The following SFXN5 variants were observed in gnomAD, a reference collection of about 807,000 sequenced individuals.
The protein encoded by SFXN5 is sideroflexin 5, also known as sideroflexin-5.
SFXN5 carries 43 observed loss-of-function variants against 50.2 expected under a neutral mutation model. The observed-to-expected ratio is 0.86, with a 90% confidence interval of 0.67 to 1.11. SFXN5 has a LOEUF of 1.11. SFXN5 is among the 50% of genes least tolerant of loss of function. The pLI, the probability that SFXN5 is intolerant of heterozygous loss-of-function variation, is 0.00. For missense variants in SFXN5, 463 were observed against 454.1 expected (o/e 1.02, Z -0.18); for synonymous variants, 203 against 185.8 (o/e 1.09, Z -0.75).
rs781489618 is a variant in SFXN5, at chr2:72,961,224, G to A, written c.852C>T (p.Pro284=). ...GGCTTTGCACAGGGAGGAGCAGCCG[G>A]GGGCGTGCCTGCAGGAGAGCCGTCC... ...LEKTALLQAR[P]RLLLPVQSLV... is the part of the protein sequence containing the mutation. The change falls in exon 13 of 14, where the codon CCC becomes CCT. Residue 284 remains proline (P), a synonymous_variant. Coordinates refer to ENST00000272433, the MANE Select transcript of SFXN5 (RefSeq NM_144579.3). This position sits in a 1 kb window ranked among gnomAD's most constrained non-coding sequence, Gnocchi z 4.4. The A allele has an allele frequency of 1.9e-6, 3 of 1,538,948 alleles. No homozygotes were observed. Among genetic ancestry groups the A allele is most frequent in the Non-Finnish European group, 1.7e-6 (2 of 1,149,760 alleles).
chr2:73,041,061 C>A (rs1331303578), intron 2 of SFXN5, 130 bp from the exon 3 acceptor site: 6 of 597,072 alleles, frequency 1.0e-5, no homozygotes, highest in Non-Finnish European at 1.7e-5. Context: ...GTTCATGGGA[C>A]ACACACAAAA....
At chr2:73,022,465 T>C in intron 5 of SFXN5, 57 bp downstream of exon 5, 1 of 1,341,052 alleles carries the variant, frequency 7.5e-7, no homozygotes, top group South Asian at 1.2e-5. Context: ...CTCCTGGAAC[T>C]GTGACTGGAG....
chr2:72,985,770 C>A (rs72918398), intron 10 of SFXN5, among the ~76,000 whole-genome samples: 1 of 152,070 alleles, frequency 6.6e-6, no homozygotes, highest in African/African-American at 2.4e-5. Flanking sequence ...CCTGTGTGAG[C>A]GGCTGAAGCC....
chr2:73,065,169 T>C (rs761837842), intron 1 of SFXN5, among the ~76,000 whole-genome samples: 1 of 152,120 alleles, frequency 6.6e-6, no homozygotes, highest in African/African-American at 2.4e-5. Flanking sequence ...TGTGTGATCA[T>C]AGCTCACTGC....
chr2:73,036,821 G>A (rs1024130569), intron 3 of SFXN5, among the ~76,000 whole-genome samples: 3 of 152,188 alleles, frequency 2.0e-5, no homozygotes, highest in Non-Finnish European at 2.9e-5. Flanking sequence ...GTAGGGTGGG[G>A]TACCAGGTCA....
At position 73,066,377 on chromosome 2, in the gene SFXN5, G is replaced by A. The variant is rs189877818; in HGVS notation, c.102+5227C>T. Among the ~76,000 whole-genome samples the A allele has an allele frequency of 6.0e-3, 915 of 152,190 alleles. 7 individuals are homozygous for A. The highest frequency in any genetic ancestry group is 0.01 in the Middle Eastern group (3 of 294). ...GTTTGAGACCAGCCTGGCCAACATGGTGAAACCCCATCTCTACTAAAAATA... is the reference window on the plus strand; with the variant it reads ...GTTTGAGACCAGCCTGGCCAACATGATGAAACCCCATCTCTACTAAAAATA... On this transcript the variant is annotated intron_variant, in intron 1 of 13. Coordinates refer to ENST00000272433, the MANE Select transcript of SFXN5 (RefSeq NM_144579.3).
rs1012697677 is a variant in SFXN5, at chr2:73,071,405, A to G, written c.102+199T>C. 5.2e-5 allele frequency: 30 copies of G among 575,916 alleles called. No individual in the cohort carries two copies. The African/African-American group carries it at 5.5e-4, about 11-fold the overall frequency. 35.7% of individuals were successfully genotyped at this position (575,916 alleles called of 1,614,324 possible). On this transcript the variant is annotated intron_variant, in intron 1 of 13. Transcript: ENST00000272433. ...AGTGACGGCGCCAAGGGCCAATAGG[A>G]AGCCAAGATGGGAGTCCGCGCCCGC...
intron 10 of SFXN5, among the ~76,000 whole-genome samples, chr2:72,982,636 T>C (rs980515131): frequency 5.3e-5 from 8 of 152,166 alleles, no homozygotes; most frequent in South Asian, 2.1e-4. Flanking sequence ...AGTCCCCAGA[T>C]AGACATCGGC....
rs181352051 is a variant in SFXN5 at position 73,056,542 on chromosome 2, G to T, written c.171+1986C>A. Among the ~76,000 whole-genome samples the T allele has an allele frequency of 8.3e-4, 126 of 150,914 alleles. 1 individual carries two copies. Among genetic ancestry groups the T allele is most frequent in the Non-Finnish European group, 1.5e-3 (104 of 67,728 alleles). On this transcript the variant is annotated intron_variant, in intron 2 of 13. Transcript: ENST00000272433. The stretch of plus-strand genomic sequence containing the variant: ...CTCTACTAAAAATACAAAATTAGCC[G>T]GGCATGGTGGCGCACACCTGTAATC...
intron 12 of SFXN5, among the ~76,000 whole-genome samples, chr2:72,968,242 C>T (rs753352860): frequency 6.6e-6 from 1 of 152,044 alleles, no homozygotes; most frequent in Non-Finnish European, 1.5e-5. Flanking sequence ...CAGGGTCCTG[C>T]ATAGTAAAAG....
chr2:73,048,613 T>G (rs1242050184), intron 2 of SFXN5, among the ~76,000 whole-genome samples: 1 of 152,234 alleles, frequency 6.6e-6, no homozygotes, highest in South Asian at 2.1e-4. Context: ...CTTTAGACTT[T>G]TATATGTCTT....
chr2:73,015,760 C>A (rs1467502886), intron 6 of SFXN5, among the ~76,000 whole-genome samples: 5 of 151,962 alleles, frequency 3.3e-5, no homozygotes, highest in African/African-American at 1.2e-4. Context: ...ATTAAATTTC[C>A]TTTTATTTAT....
At chr2:72,979,004 C>G (rs150900228) in intron 10 of SFXN5, among the ~76,000 whole-genome samples, 26 of 152,180 alleles carry the variant, frequency 1.7e-4, no homozygotes, top group African/African-American at 6.3e-4. Context: ...GATAGCCACA[C>G]AGTACGAATG....
chr2:73,057,015 G>T (rs1324978583), intron 2 of SFXN5, among the ~76,000 whole-genome samples: 2 of 152,152 alleles, frequency 1.3e-5, no homozygotes, highest in African/African-American at 2.4e-5. Context: ...AAACTGGAAA[G>T]AATCCAGGTG....
chr2:73,003,749 G>A (rs2105713807), intron 6 of SFXN5, among the ~76,000 whole-genome samples: 1 of 152,280 alleles, frequency 6.6e-6, no homozygotes, highest in South Asian at 2.1e-4. Context: ...ATTTTTAAAA[G>A]TGACATCAAG....
At chr2:72,968,404 T>G in intron 12 of SFXN5, 44 bp downstream of exon 12, 6 of 766,264 alleles carry the variant, frequency 7.8e-6, no homozygotes, top group African/African-American at 1.9e-5. Flanking sequence ...CCTCTCCCCC[T>G]CCTCCCCCAT....
chr2:72,966,626 C>A (rs537420450), intron 12 of SFXN5, among the ~76,000 whole-genome samples: 2 of 152,306 alleles, frequency 1.3e-5, no homozygotes, highest in African/African-American at 4.8e-5. Context: ...GCACACAGGA[C>A]CCCTCATCAG....
At chr2:73,044,332 C>A (rs1439236333) in intron 2 of SFXN5, among the ~76,000 whole-genome samples, 3 of 152,228 alleles carry the variant, frequency 2.0e-5, no homozygotes, top group Non-Finnish European at 2.9e-5. Context: ...CCTCTGAGAG[C>A]TACAGGCTGG....
intron 12 of SFXN5, among the ~76,000 whole-genome samples, chr2:72,963,281 G>C (rs1673971065): frequency 6.6e-6 from 1 of 152,220 alleles, no homozygotes; most frequent in African/African-American, 2.4e-5. Context: ...GCTACCCCCG[G>C]CAAGTGAAGA....
Sources: allele counts gnomAD v4.1 joint callset (sites outside exome capture counted in the v4.1 genomes callset), GRCh38; gene constraint gnomAD v4.1.1; non-coding constraint Gnocchi (gnomAD v3.1); transcripts MANE v1.5; gene names NCBI Gene and HGNC (gene_info 2026-07-23, HGNC 2026-07-21).